The following PEAK1 variants were observed in gnomAD, a reference collection of about 807,000 sequenced individuals.
PEAK1 encodes the protein pseudopodium enriched atypical kinase 1.
Under a neutral mutation model 124.7 loss-of-function variants are expected in PEAK1, and 54 were observed. That is an observed-to-expected ratio of 0.43 (90% CI 0.35 to 0.54). The LOEUF (loss-of-function observed/expected upper bound fraction) is 0.54, where lower values mean the gene tolerates loss of function less well. Among genes scored for constraint, PEAK1 ranks in the 20% least tolerant of loss-of-function variants. The probability of loss-of-function intolerance (pLI) is 0.01; values close to 1 mark genes in which losing one functional copy is unlikely to be tolerated. For synonymous variants in PEAK1, 719 were observed against 760.0 expected, an observed-to-expected ratio of 0.95 and a Z score of 0.89; for missense variants, 2,046 against 2,134.5, an observed-to-expected ratio of 0.96 and a Z score of 0.82.
chr15:77,335,280 A>T, intron 2 of PEAK1: 1 of 985,414 alleles, frequency 1.0e-6, no homozygotes, highest in Non-Finnish European at 1.2e-6. Flanking sequence ...AATGCTGCCT[A>T]ACAAAGATTA....
In PEAK1 at chr15:77,149,629, T is replaced by C. The variant is rs577966477; in HGVS notation, c.3331+8874A>G. Among the ~76,000 whole-genome samples, 35 of 152,342 alleles carry C rather than the reference T, an allele frequency of 2.3e-4. 1 individual carries two copies. Among genetic ancestry groups the C allele is most frequent in the Admixed American group, 2.2e-3 (33 of 15,294 alleles). On this transcript the variant is annotated intron_variant, in intron 8 of 9. Transcript: ENST00000682557. ...ACAAAACCCCCTTAGCTTAGAACTATTGGAGTCAACTTTATTACCTTTCCA... is the reference window on the plus strand; with the variant it reads ...ACAAAACCCCCTTAGCTTAGAACTACTGGAGTCAACTTTATTACCTTTCCA...
intron 2 of PEAK1, among the ~76,000 whole-genome samples, chr15:77,290,631 C>A (rs1303781651): frequency 1.3e-5 from 2 of 151,982 alleles, no homozygotes; most frequent in Non-Finnish European, 2.9e-5. Context: ...ATCACTGCAG[C>A]CTCCACCTCC....
intron 6 of PEAK1, among the ~76,000 whole-genome samples, chr15:77,194,825 A>C (rs1460483611): frequency 1.3e-5 from 2 of 152,208 alleles, no homozygotes; most frequent in Non-Finnish European, 2.9e-5. Flanking sequence ...GAGAAAGAAA[A>C]ATACAAGAAC....
chr15:77,217,568 T>C (rs1446007544), intron 6 of PEAK1, among the ~76,000 whole-genome samples: 1 of 152,198 alleles, frequency 6.6e-6, no homozygotes, highest in Non-Finnish European at 1.5e-5. Flanking sequence ...CAGTTTTCAT[T>C]AGGCATCTAC....
intron 1 of PEAK1, among the ~76,000 whole-genome samples, chr15:77,366,698 C>A (rs1387096428): frequency 6.6e-6 from 1 of 152,056 alleles, no homozygotes; most frequent in Non-Finnish European, 1.5e-5. Flanking sequence ...TGGGACTACA[C>A]AGGTGCCCAC....
At chr15:77,160,985 T>G (rs931313123) in intron 7 of PEAK1, among the ~76,000 whole-genome samples, 4 of 152,198 alleles carry the variant, frequency 2.6e-5, no homozygotes, top group Non-Finnish European at 5.9e-5. Context: ...CAGAAAAAAC[T>G]GCAGCTATTA....
intron 6 of PEAK1, among the ~76,000 whole-genome samples, chr15:77,191,164 C>T (rs1263210876): frequency 6.6e-6 from 1 of 151,984 alleles, no homozygotes; most frequent in African/African-American, 2.4e-5. Context: ...GGTAAGCATT[C>T]CTCTTGTGAT....
rs2057141903 is a variant in PEAK1 at position 77,179,948 on chromosome 15, A to G, written c.1979T>C (p.Val660Ala). The G allele has an allele frequency of 6.2e-7, 1 of 1,614,166 alleles. No homozygotes were observed. Among genetic ancestry groups the G allele is most frequent in the African/African-American group, 1.3e-5 (1 of 75,052 alleles). ...TATTTCTTCATAAGTATGGCTTATT[A>G]CACTTGTGGTTTTTTCCTTCACTGA... The part of the protein sequence containing the change: ...ELSVKEKTTS[V>A]ISHTYEEIET... The change falls in exon 7 of 10, where the codon GTA becomes GCA. Residue 660 changes from valine (V) to alanine (A), a missense_variant. By Grantham distance (64) the Val-to-Ala change is moderately conservative. Transcript: ENST00000682557.
chr15:77,258,453 C>T lies in PEAK1; in HGVS notation c.-274-5927G>A, dbSNP rs185779487. On this transcript the variant is annotated intron_variant, in intron 5 of 9. Transcript: ENST00000682557. ...GAAGAGGTCCTTCACGTCCCTTGTA[C>T]GTTGGATTCCTAGGTATTGTATTCT... 4.8e-3 allele frequency among the ~76,000 whole-genome samples: 735 copies of T among 151,956 alleles called. 6 individuals carry two copies. Among genetic ancestry groups the T allele is most frequent in the Non-Finnish European group, 6.9e-3 (467 of 67,958 alleles).
intron 6 of PEAK1, among the ~76,000 whole-genome samples, chr15:77,236,577 G>T (rs998431796): frequency 1.3e-5 from 2 of 152,098 alleles, no homozygotes; most frequent in Admixed American, 1.3e-4. Flanking sequence ...TGTCTCAGAT[G>T]ATACTTTGGA....
At chr15:77,347,792 C>T (rs1435923439) in intron 2 of PEAK1, 1 of 984,732 alleles carries the variant, frequency 1.0e-6, no homozygotes, top group Non-Finnish European at 1.2e-6. Flanking sequence ...GTGTATAGAT[C>T]ATCTGTTTTC....
At chr15:77,304,133 A>G (rs923819305) in intron 2 of PEAK1, among the ~76,000 whole-genome samples, 2 of 152,002 alleles carry the variant, frequency 1.3e-5, no homozygotes, top group African/African-American at 2.4e-5. Context: ...AACTTTGCCA[A>G]TTTTCTTCAG....
intron 5 of PEAK1, among the ~76,000 whole-genome samples, chr15:77,261,351 G>A (rs2061429095): frequency 6.6e-6 from 1 of 152,092 alleles, no homozygotes; most frequent in Non-Finnish European, 1.5e-5. Flanking sequence ...TCGAACCCAT[G>A]GCAAAGAAGT....
intron 2 of PEAK1, among the ~76,000 whole-genome samples, chr15:77,295,883 C>T (rs1312731870): frequency 1.3e-5 from 2 of 152,134 alleles, no homozygotes; most frequent in Admixed American, 6.5e-5. Context: ...GCTTCATCAG[C>T]TAAAGCTTCA....
intron 2 of PEAK1, among the ~76,000 whole-genome samples, chr15:77,332,850 AT>A (rs199558808): frequency 0.023 from 3,448 of 151,568 alleles, 143 homozygotes; most frequent in African/African-American, 0.079. Context: ...AAGGCACTTC[AT>A]TTTTTTTAAT....
At chr15:77,282,409 A>T (rs2062719789) in intron 5 of PEAK1, among the ~76,000 whole-genome samples, 1 of 152,198 alleles carries the variant, frequency 6.6e-6, no homozygotes, top group Admixed American at 6.5e-5. Context: ...ATTAAAAAAA[A>T]TTTACTGTTT....
rs1219417999 is a variant in PEAK1 at position 77,225,661 on chromosome 15, A to G, written c.-115+26706T>C. Among the ~76,000 whole-genome samples, 12 of 58,910 alleles carry G rather than the reference A, an allele frequency of 2.0e-4. No individual in the cohort carries two copies. In the East Asian group the frequency reaches 3.6e-3, roughly 18 times the overall value. 38.6% of individuals were successfully genotyped at this position (58,910 alleles called of 152,430 possible). On this transcript the variant is annotated intron_variant, in intron 6 of 9. Coordinates refer to ENST00000682557, the MANE Select transcript of PEAK1 (RefSeq NM_001385026.1). ...TGTGTGTGTGTGTGTGTGTGTGTGT[A>G]TAATTTATATATATATATATATATA... is the stretch of plus-strand genomic sequence containing the variant.
At chr15:77,325,615 A>G (rs991704740) in intron 2 of PEAK1, among the ~76,000 whole-genome samples, 36 of 152,240 alleles carry the variant, frequency 2.4e-4, no homozygotes, top group African/African-American at 8.4e-4. Flanking sequence ...TTGGCAAATG[A>G]AAGTTCCCAA....
chr15:77,413,920 C>G (rs563010713), intron 1 of PEAK1, among the ~76,000 whole-genome samples: 2 of 152,234 alleles, frequency 1.3e-5, no homozygotes, highest in South Asian at 4.1e-4. Context: ...ACCATCCAGG[C>G]TCAAGTGATC....
Sources: gnomAD v4.1 joint callset for allele counts (sites outside exome capture counted in the v4.1 genomes callset) on GRCh38, gnomAD v4.1.1 for gene constraint, MANE v1.5 for transcripts, NCBI Gene and HGNC (gene_info 2026-07-23, HGNC 2026-07-21) for gene names.